The following DSCAM variants were observed in gnomAD, a reference collection of about 807,000 sequenced individuals.
The protein encoded by DSCAM is cell adhesion molecule DSCAM.
DSCAM carries 47 observed loss-of-function variants against 217.7 expected under a neutral mutation model. That is an observed-to-expected ratio of 0.22 (90% CI 0.17 to 0.28). The LOEUF (loss-of-function observed/expected upper bound fraction) is 0.28, where lower values mean the gene tolerates loss of function less well. Among genes scored for constraint, DSCAM ranks in the 10% least tolerant of loss-of-function variants. The pLI is 1.00. For missense variants in DSCAM, 2,080 were observed against 2,618.3 expected (o/e 0.79, Z 4.49); for synonymous variants, 1,056 against 1,015.3 (o/e 1.04, Z -0.76).
At chr21:40,581,941 T>C (rs1295191203) in intron 3 of DSCAM, among the ~76,000 whole-genome samples, 2 of 152,250 alleles carry the variant, frequency 1.3e-5, no homozygotes, top group African/African-American at 4.8e-5. Context: ...AAGGATACCA[T>C]AAAATGTAAT....
chr21:40,644,221 G>A (rs1470715730), intron 3 of DSCAM, among the ~76,000 whole-genome samples: 2 of 152,202 alleles, frequency 1.3e-5, no homozygotes, highest in Non-Finnish European at 1.5e-5. Flanking sequence ...GGATGAACAC[G>A]CTCTTTCAAA....
At chr21:40,108,508 C>T (rs2089851211) in intron 20 of DSCAM, among the ~76,000 whole-genome samples, 2 of 152,134 alleles carry the variant, frequency 1.3e-5, no homozygotes, top group African/African-American at 4.8e-5. Flanking sequence ...AGAGATGACA[C>T]AAACAAATGG....
chr21:40,368,684 C>T (rs938469390), intron 4 of DSCAM, among the ~76,000 whole-genome samples: 17 of 152,194 alleles, frequency 1.1e-4, no homozygotes, highest in African/African-American at 4.1e-4. Flanking sequence ...TTCCATCTCA[C>T]TATTACAACC....
rs554762538 is a variant in DSCAM, at chr21:40,789,816, A to G, written c.43+56803T>C. Among the ~76,000 whole-genome samples, 4 of 152,182 alleles carry G rather than the reference A, an allele frequency of 2.6e-5. No homozygotes were observed. In the South Asian group the frequency reaches 8.3e-4, roughly 32 times the overall value. On this transcript the variant is annotated intron_variant, in intron 1 of 32. Coordinates refer to ENST00000400454, the MANE Select transcript of DSCAM (RefSeq NM_001389.5). ...GTGATCCGCCTGCCTCGGCCTCCCA[A>G]AGTGCTGGGATTACAGGCGTGAGCC... is the stretch of plus-strand genomic sequence containing the variant.
At chr21:40,531,774 T>G (rs2146110311) in intron 3 of DSCAM, among the ~76,000 whole-genome samples, 1 of 152,354 alleles carries the variant, frequency 6.6e-6, no homozygotes, top group East Asian at 1.9e-4. Flanking sequence ...CCCCCATTCC[T>G]TTCCTTCTTT....
intron 1 of DSCAM, among the ~76,000 whole-genome samples, chr21:40,750,660 T>G (rs1285251251): frequency 6.6e-6 from 1 of 151,790 alleles, no homozygotes; most frequent in African/African-American, 2.4e-5. Flanking sequence ...TGCACCAGGA[T>G]GTTGAATTTG....
chr21:40,437,486 T>C (rs1460497305), intron 3 of DSCAM, among the ~76,000 whole-genome samples: 1 of 152,148 alleles, frequency 6.6e-6, no homozygotes, highest in African/African-American at 2.4e-5. Flanking sequence ...AGCTTTATGA[T>C]TATCTCTATT....
intron 9 of DSCAM, among the ~76,000 whole-genome samples, chr21:40,297,040 T>G (rs1354122135): frequency 6.6e-6 from 1 of 152,140 alleles, no homozygotes; most frequent in Non-Finnish European, 1.5e-5. Context: ...CCCAAAATTC[T>G]GGTGAGAACA....
At chr21:40,776,135 A>G (rs1230216599) in intron 1 of DSCAM, among the ~76,000 whole-genome samples, 2 of 152,158 alleles carry the variant, frequency 1.3e-5, no homozygotes. Context: ...AAAGTGGCCT[A>G]TCATGTTTCT....
intron 11 of DSCAM, among the ~76,000 whole-genome samples, chr21:40,222,867 A>G (rs1400584333): frequency 6.6e-6 from 1 of 152,236 alleles, no homozygotes; most frequent in Non-Finnish European, 1.5e-5. Context: ...GTGTCCTTCT[A>G]TATAATTGAG....
intron 3 of DSCAM, among the ~76,000 whole-genome samples, chr21:40,507,818 T>A (rs994148524): frequency 3.3e-5 from 5 of 152,010 alleles, no homozygotes; most frequent in Admixed American, 3.3e-4. Context: ...AAAAATAACT[T>A]ACATTCACAG....
intron 9 of DSCAM, among the ~76,000 whole-genome samples, chr21:40,296,968 A>C (rs1170817861): frequency 6.6e-6 from 1 of 152,142 alleles, no homozygotes; most frequent in Non-Finnish European, 1.5e-5. Context: ...CCAGGAGATA[A>C]AGTGAGAAAT....
At chr21:40,386,398 T>C (rs1466574844) in intron 3 of DSCAM, among the ~76,000 whole-genome samples, 1 of 152,220 alleles carries the variant, frequency 6.6e-6, no homozygotes, top group Non-Finnish European at 1.5e-5. Flanking sequence ...TGAATGTGAA[T>C]GAACGCCCTT....
intron 21 of DSCAM, among the ~76,000 whole-genome samples, chr21:40,091,304 C>A (rs554626512): frequency 6.6e-5 from 10 of 152,310 alleles, no homozygotes; most frequent in African/African-American, 2.2e-4. Flanking sequence ...AATCTGAAAT[C>A]CCTAACACAG....
intron 9 of DSCAM, among the ~76,000 whole-genome samples, chr21:40,298,376 C>T (rs7276117): frequency 0.17 from 26,128 of 151,968 alleles, 4,035 homozygotes; most frequent in African/African-American, 0.4. Flanking sequence ...CCACTGCGCA[C>T]GGCCTGACAT....
intron 3 of DSCAM, among the ~76,000 whole-genome samples, chr21:40,569,568 A>T (rs1435995195): frequency 6.6e-6 from 1 of 152,048 alleles, no homozygotes; most frequent in Non-Finnish European, 1.5e-5. Flanking sequence ...GATTTCAGAC[A>T]CTCTCAGCCC....
chr21:40,075,519 C>A (rs1239579480), intron 26 of DSCAM, among the ~76,000 whole-genome samples: 7 of 152,206 alleles, frequency 4.6e-5, no homozygotes, highest in Admixed American at 3.3e-4. Flanking sequence ...CCACATGCAT[C>A]TACCCAGAAT....
At chr21:40,282,771 A>G (rs2073780067) in intron 10 of DSCAM, among the ~76,000 whole-genome samples, 1 of 152,112 alleles carries the variant, frequency 6.6e-6, no homozygotes, top group Admixed American at 6.5e-5. Flanking sequence ...CACCAGAAAA[A>G]TGCTTGTAAT....
intron 8 of DSCAM, among the ~76,000 whole-genome samples, chr21:40,314,436 G>C (rs951102630): frequency 6.6e-6 from 1 of 152,168 alleles, no homozygotes; most frequent in African/African-American, 2.4e-5. Context: ...AAGAGATAAA[G>C]GTCTCAGGAT....
Sources: gnomAD v4.1 joint callset for allele counts (sites outside exome capture counted in the v4.1 genomes callset) on GRCh38, gnomAD v4.1.1 for gene constraint, MANE v1.5 for transcripts, NCBI Gene and HGNC (gene_info 2026-07-23, HGNC 2026-07-21) for gene names.